Variants in ARHGEF18 observed in about 807,000 individuals in gnomAD.
ARHGEF18 encodes the protein Rho/Rac guanine nucleotide exchange factor 18.
A neutral mutation model predicts 155.7 loss-of-function variants in ARHGEF18; 93 were observed. The ratio of observed to expected loss-of-function variants is 0.60; its 90% CI spans 0.50 to 0.71. ARHGEF18 has a LOEUF of 0.71. Among genes scored for constraint, ARHGEF18 ranks in the 30% least tolerant of loss-of-function variants. The pLI is 0.00. For synonymous variants in ARHGEF18, 742 were observed against 753.1 expected, an observed-to-expected ratio of 0.99 and a Z score of 0.24; for missense variants, 1,593 against 1,816.1, an observed-to-expected ratio of 0.88 and a Z score of 2.23.
At chr19:7,375,248 G>T (rs1970379326) in intron 3 of ARHGEF18, among the ~76,000 whole-genome samples, 1 of 147,298 alleles carries the variant, frequency 6.8e-6, no homozygotes, top group African/African-American at 2.5e-5. Flanking sequence ...CTCCAGCCTG[G>T]GTGACAGAGT....
chr19:7,366,227 G>A (rs894441184), intron 2 of ARHGEF18, among the ~76,000 whole-genome samples: 14 of 152,188 alleles, frequency 9.2e-5, no homozygotes, highest in Non-Finnish European at 1.9e-4. Context: ...GATTACAGGC[G>A]TGAGCCACGG....
intron 2 of ARHGEF18, among the ~76,000 whole-genome samples, chr19:7,365,023 C>T (rs1969822226): frequency 1.3e-5 from 2 of 152,172 alleles, no homozygotes; most frequent in African/African-American, 2.4e-5. Context: ...TCCACAACAT[C>T]CGCTACACTA....
In ARHGEF18 at chr19:7,467,393, G is replaced by C. The variant is rs1238535165; in HGVS notation, c.3189G>C (p.Leu1063=). The stretch of plus-strand genomic sequence containing the variant: ...CCCTGGAGAAGCTGCAGAGCCAGCT[G>C]CGGCACGAGCAGCAGCGCTGGGAGC... ...RAALEKLQSQ[L]RHEQQRWERE... The change falls in exon 26 of 29, where the codon CTG becomes CTC. Residue 1063 remains leucine, a synonymous_variant. Coordinates refer to ENST00000668164, the MANE Select transcript of ARHGEF18 (RefSeq NM_001367823.1). 3 of 1,533,136 alleles carry C rather than the reference G, an allele frequency of 2.0e-6. No individual in the cohort carries two copies. The highest frequency in any genetic ancestry group is 2.6e-6 in the Non-Finnish European group (3 of 1,145,578). 95.0% of individuals were successfully genotyped at this position (1,533,136 alleles called of 1,614,324 possible).
chr19:7,409,183 C>G (rs1972514381), intron 10 of ARHGEF18, among the ~76,000 whole-genome samples: 1 of 150,572 alleles, frequency 6.6e-6, no homozygotes, highest in East Asian at 2.0e-4. Context: ...CCTCAGCCTC[C>G]CAAGAAGCTG....
intron 20 of ARHGEF18, among the ~76,000 whole-genome samples, chr19:7,460,283 C>CA (rs1976132959): frequency 6.6e-6 from 1 of 152,070 alleles, no homozygotes. Context: ...ACCACCACCC[C>CA]ATCCTCGTGC....
At chr19:7,422,787 C>T (rs183460322) in intron 10 of ARHGEF18, among the ~76,000 whole-genome samples, 11 of 141,948 alleles carry the variant, frequency 7.7e-5, no homozygotes, top group Non-Finnish European at 1.2e-4. Context: ...GGCAGGATCT[C>T]GGCTCACTGC....
In ARHGEF18 at chr19:7,439,886, T is replaced by A. The variant is rs1600446930; in HGVS notation, c.968-458T>A. ...CCAAGGGAGAGCCTGGAGGGGTTGTTTTTTTTTTCTGTTTTATTCTATCAA... is the reference window on the plus strand; with the variant it reads ...CCAAGGGAGAGCCTGGAGGGGTTGTATTTTTTTTCTGTTTTATTCTATCAA... On this transcript the variant is annotated intron_variant, in intron 10 of 28. Coordinates refer to ENST00000668164, the MANE Select transcript of ARHGEF18 (RefSeq NM_001367823.1). The A allele has an allele frequency of 4.1e-6, 6 of 1,450,638 alleles. No individual in the cohort carries two copies. The East Asian group carries it at 1.5e-4, about 36-fold the overall frequency. 89.9% of individuals were successfully genotyped at this position (1,450,638 alleles called of 1,614,324 possible).
intron 1 of ARHGEF18, among the ~76,000 whole-genome samples, chr19:7,362,039 AGG>A (rs1969595480): frequency 7.0e-5 from 3 of 43,000 alleles, no homozygotes; most frequent in African/African-American, 2.0e-4. Context: ...GAGAAGGAGA[AGG>A]AGAAGGAGAA....
chr19:7,467,085 C>T lies in ARHGEF18; in HGVS notation c.2976C>T (p.Ile992=), dbSNP rs1318911644. 3 of 1,608,786 alleles carry T rather than the reference C, an allele frequency of 1.9e-6. No individual in the cohort carries two copies. The highest frequency in any genetic ancestry group is 2.2e-5 in the South Asian group (2 of 90,812). ...CCTCTCCGCAGCTTGTCCAGCGGAT[C>T]CAGACACTGTCCCAGCTGCTCCTGA... ...TVLESELVQR[I]QTLSQLLLNL... Residue 992 remains isoleucine, a synonymous_variant, in exon 25 of 29, where the codon ATC becomes ATT. Transcript: ENST00000668164.
In ARHGEF18 at chr19:7,368,011, G is replaced by GGAAGGA. The variant is rs1568270687; in HGVS notation, c.16-4801_16-4800insGAAGGA. On this transcript the variant is annotated intron_variant, in intron 2 of 28. Transcript: ENST00000668164. ...AGAGAGAGAGAGAGAGGGAGGGAGG[G>GGAAGGA]AGGGAGGGCGGAAGGAAGGAAGGAA... Among the ~76,000 whole-genome samples, 290 of 89,162 alleles carry GGAAGGA rather than the reference G, an allele frequency of 3.3e-3. 8 individuals carry two copies. Among genetic ancestry groups the GGAAGGA allele is most frequent in the African/African-American group, 0.01 (275 of 26,262 alleles). 58.5% of individuals were successfully genotyped at this position (89,162 alleles called of 152,430 possible).
intron 17 of ARHGEF18, among the ~76,000 whole-genome samples, chr19:7,454,445 G>A (rs553996441): frequency 2.9e-4 from 44 of 151,998 alleles, no homozygotes; most frequent in Non-Finnish European, 5.0e-4. Context: ...TTGGATCAGT[G>A]GCCACCATTT....
chr19:7,446,309 T>C (rs1290026308), intron 14 of ARHGEF18, among the ~76,000 whole-genome samples: 1 of 151,268 alleles, frequency 6.6e-6, no homozygotes, highest in South Asian at 2.1e-4. Context: ...AAGGCAGAGG[T>C]TGCAGTGAGC....
intron 13 of ARHGEF18, among the ~76,000 whole-genome samples, chr19:7,443,525 C>CA (rs2145790270): frequency 6.6e-6 from 1 of 152,284 alleles, no homozygotes; most frequent in Non-Finnish European, 1.5e-5. Context: ...CTAAGGGCAC[C>CA]AGTCCCACCA....
chr19:7,375,545 C>G (rs1466090393), intron 3 of ARHGEF18, among the ~76,000 whole-genome samples, 175 bp from the exon 4 acceptor site: 2 of 152,306 alleles, frequency 1.3e-5, no homozygotes, highest in East Asian at 3.9e-4. Flanking sequence ...TCCTCTCCCC[C>G]TTGCCACCCA....
intron 19 of ARHGEF18, 130 bp from the exon 20 acceptor site, chr19:7,459,773 C>T (rs1186360037): frequency 1.4e-6 from 1 of 715,234 alleles, no homozygotes; most frequent in Non-Finnish European, 2.3e-6. Context: ...CGTCCTCCTG[C>T]ACCACGAACA....
At chr19:7,436,650 G>T (rs1974276389) in intron 10 of ARHGEF18, among the ~76,000 whole-genome samples, 1 of 152,102 alleles carries the variant, frequency 6.6e-6, no homozygotes, top group Admixed American at 6.6e-5. Flanking sequence ...TTTCAGTCAA[G>T]ACCTCAGTCC....
chr19:7,366,848 T>C (rs760652168), intron 2 of ARHGEF18, among the ~76,000 whole-genome samples: 3 of 152,060 alleles, frequency 2.0e-5, no homozygotes, highest in Non-Finnish European at 4.4e-5. Flanking sequence ...CTGCAACCTC[T>C]GCCTCCTGAA....
At chr19:7,465,410 T>G (rs948360266) in intron 23 of ARHGEF18, among the ~76,000 whole-genome samples, 31 of 145,186 alleles carry the variant, frequency 2.1e-4, no homozygotes, top group African/African-American at 7.6e-4. Flanking sequence ...GAGGATCACT[T>G]TTTTTTTTTT....
intron 17 of ARHGEF18, among the ~76,000 whole-genome samples, chr19:7,454,658 G>A (rs1350818392): frequency 6.6e-6 from 1 of 152,176 alleles, no homozygotes; most frequent in Non-Finnish European, 1.5e-5. Flanking sequence ...AGGCAGCTGG[G>A]GTGTAGCATA....
Sources: gnomAD v4.1 joint callset for allele counts (sites outside exome capture counted in the v4.1 genomes callset) on GRCh38, gnomAD v4.1.1 for gene constraint, MANE v1.5 for transcripts, NCBI Gene and HGNC (gene_info 2026-07-23, HGNC 2026-07-21) for gene names.